ANKFN1: variants seen among roughly 807,000 people sequenced by gnomAD.
The protein encoded by ANKFN1 is ankyrin repeat and fibronectin type-III domain-containing protein 1.
ANKFN1 carries 74 observed loss-of-function variants against 108.7 expected under a neutral mutation model. That is an observed-to-expected ratio of 0.68 (90% CI 0.56 to 0.83). The LOEUF is 0.83. ANKFN1 is among the 40% of genes least tolerant of loss of function. ANKFN1 has a pLI of 0.00. For missense variants in ANKFN1, 1,505 were observed against 1,382.3 expected (o/e 1.09, Z -1.41); for synonymous variants, 547 against 516.2 (o/e 1.06, Z -0.81).
chr17:56,199,676 G>C (rs1205042239), intron 1 of ANKFN1, among the ~76,000 whole-genome samples: 1 of 152,136 alleles, frequency 6.6e-6, no homozygotes, highest in East Asian at 1.9e-4. Context: ...TCATCCTCTA[G>C]TCTGTCGAGG....
chr17:56,199,438 A>T (rs1462859369), intron 1 of ANKFN1, among the ~76,000 whole-genome samples: 1 of 152,168 alleles, frequency 6.6e-6, no homozygotes, highest in Non-Finnish European at 1.5e-5. Flanking sequence ...CGCAAAGGTC[A>T]TGCTCTTCAT....
At chr17:56,417,734 G>A (rs926674198) in intron 8 of ANKFN1, among the ~76,000 whole-genome samples, 2 of 152,220 alleles carry the variant, frequency 1.3e-5, no homozygotes, top group Non-Finnish European at 2.9e-5. Flanking sequence ...TATTCAGTGT[G>A]TCTGTGGGAG....
intron 3 of ANKFN1, among the ~76,000 whole-genome samples, chr17:56,264,793 A>G: frequency 6.6e-6 from 1 of 152,156 alleles, no homozygotes; most frequent in East Asian, 1.9e-4. Context: ...GCTGTTAACA[A>G]TGACCTCAAA....
chr17:56,269,039 T>C (rs1333616844), intron 3 of ANKFN1, among the ~76,000 whole-genome samples: 2 of 152,208 alleles, frequency 1.3e-5, no homozygotes, highest in Non-Finnish European at 1.5e-5. Flanking sequence ...GGCAGTTTTT[T>C]GGGGGTAGTT....
intron 15 of ANKFN1, among the ~76,000 whole-genome samples, chr17:56,466,976 G>A (rs2050093960): frequency 6.6e-6 from 1 of 151,994 alleles, no homozygotes; most frequent in East Asian, 1.9e-4. Flanking sequence ...TAAATAGCTG[G>A]GTATGTGGTG....
intron 3 of ANKFN1, among the ~76,000 whole-genome samples, chr17:56,249,066 T>G (rs1195164630): frequency 1.3e-5 from 2 of 152,194 alleles, no homozygotes; most frequent in African/African-American, 2.4e-5. Context: ...TTAGAACAGC[T>G]CGGGGTATCA....
intron 4 of ANKFN1, among the ~76,000 whole-genome samples, chr17:56,116,129 T>C (rs1350547923): frequency 1.3e-5 from 2 of 152,174 alleles, no homozygotes; most frequent in African/African-American, 2.4e-5. Flanking sequence ...CCGAGCATCC[T>C]CTTTTTTCAG....
chr17:56,372,064 G>A (rs1178003884), intron 6 of ANKFN1, among the ~76,000 whole-genome samples: 1 of 152,168 alleles, frequency 6.6e-6, no homozygotes, highest in Non-Finnish European at 1.5e-5. Context: ...AGCAGTAGCG[G>A]AACTCTTTGT....
intron 14 of ANKFN1, among the ~76,000 whole-genome samples, chr17:56,463,511 G>A (rs1246912220): frequency 6.6e-6 from 1 of 152,004 alleles, no homozygotes; most frequent in Non-Finnish European, 1.5e-5. Context: ...TCAGCATGTG[G>A]GAAAAAAAAT....
At chr17:56,200,573 C>T (rs2099469314) in intron 1 of ANKFN1, among the ~76,000 whole-genome samples, 1 of 152,130 alleles carries the variant, frequency 6.6e-6, no homozygotes, top group Admixed American at 6.6e-5. Flanking sequence ...GTCCAAGGTC[C>T]CCCAGCTCAA....
At chr17:56,073,497 A>G (rs888640449) in intron 4 of ANKFN1, among the ~76,000 whole-genome samples, 3 of 152,228 alleles carry the variant, frequency 2.0e-5, no homozygotes, top group Non-Finnish European at 4.4e-5. Flanking sequence ...GCAGACTTTT[A>G]GTAGTGTTTT....
chr17:56,358,819 TCAATTGAACAACTGCTATCAAAGAAAGA>T (rs1208794639), intron 6 of ANKFN1, among the ~76,000 whole-genome samples: 1 of 152,162 alleles, frequency 6.6e-6, no homozygotes, highest in East Asian at 1.9e-4. Flanking sequence ...TGACTCATGT[TCAATTGAACAACTGCTATCAAAGAAAGA>T]CTTGTTGTCT....
chr17:56,350,761 C>T lies in ANKFN1; in HGVS notation c.189-5C>T. 3.7e-6 allele frequency: 6 copies of T among 1,613,204 alleles called. No homozygotes were observed. The highest frequency in any genetic ancestry group is 3.4e-6 in the Non-Finnish European group (4 of 1,179,396). On this transcript the variant is annotated splice_region_variant and splice_polypyrimidine_tract_variant and intron_variant, in intron 4 of 20. Coordinates refer to ENST00000682825, the MANE Select transcript of ANKFN1 (RefSeq NM_001370326.1). ...AGATATAACATCGGACTTTCCTCTT[C>T]TTAGGAATTGTCGTGTGAAAATGAC...
chr17:56,278,527 G>A (rs531062093), intron 3 of ANKFN1, among the ~76,000 whole-genome samples: 1 of 152,276 alleles, frequency 6.6e-6, no homozygotes, highest in East Asian at 1.9e-4. Context: ...TTTGACCCCA[G>A]TCCAAGCAGG....
intron 8 of ANKFN1, among the ~76,000 whole-genome samples, chr17:56,395,778 G>A (rs552785145): frequency 6.6e-6 from 1 of 152,222 alleles, no homozygotes; most frequent in African/African-American, 2.4e-5. Context: ...GAACCCGGAA[G>A]GTGGAGGTTG....
intron 18 of ANKFN1, among the ~76,000 whole-genome samples, chr17:56,487,040 G>C (rs1385462199): frequency 6.6e-6 from 1 of 152,164 alleles, no homozygotes; most frequent in Non-Finnish European, 1.5e-5. Flanking sequence ...TTAGTTCTCT[G>C]TCTCCTGGAA....
chr17:56,311,214 T>A (rs1345334081), intron 3 of ANKFN1, among the ~76,000 whole-genome samples: 1 of 152,188 alleles, frequency 6.6e-6, no homozygotes, highest in Non-Finnish European at 1.5e-5. Flanking sequence ...CATTACTCAC[T>A]GTTCATGTGA....
intron 4 of ANKFN1, among the ~76,000 whole-genome samples, chr17:56,054,465 C>T (rs1904830850): frequency 6.6e-6 from 1 of 152,026 alleles, no homozygotes; most frequent in Non-Finnish European, 1.5e-5. Context: ...TTTCAGACCA[C>T]CAAAATAAAG....
chr17:56,322,780 T>G (rs759695703), intron 3 of ANKFN1, among the ~76,000 whole-genome samples: 2 of 152,266 alleles, frequency 1.3e-5, no homozygotes, highest in Non-Finnish European at 1.5e-5. Context: ...CTATGTTCCC[T>G]TAGCACATTG....
Sources: allele counts gnomAD v4.1 joint callset (sites outside exome capture counted in the v4.1 genomes callset), GRCh38; gene constraint gnomAD v4.1.1; transcripts MANE v1.5; gene names NCBI Gene and HGNC (gene_info 2026-07-23, HGNC 2026-07-21).